Variants in ZNF284 observed in about 807,000 individuals in gnomAD.
ZNF284 encodes the protein zinc finger protein 284.
In ZNF284, 12 loss-of-function variants were observed where a neutral mutation model predicts 12.9. The ratio of observed to expected loss-of-function variants is 0.93; its 90% confidence interval spans 0.60 to 1.51. The LOEUF (loss-of-function observed/expected upper bound fraction) is 1.51. Among genes scored for constraint, ZNF284 ranks in the 40% most tolerant of loss-of-function variants. The pLI is 0.00. For missense variants in ZNF284, 667 were observed against 707.3 expected (o/e 0.94, Z 0.65); for synonymous variants, 225 against 236.5 (o/e 0.95, Z 0.45).
At position 44,081,044 on chromosome 19, in the gene ZNF284, G is replaced by A. The variant is rs781349052; in HGVS notation, c.45G>A (p.Val15=). The change falls in exon 3 of 5, where the codon GTG becomes GTA. Residue 15 remains valine (V), a synonymous_variant. Transcript: ENST00000421176. ...CAGTGACCTTCAAGGATGTGGCTGT[G>A]GTCTTCACCGAGGAGGAGCTGGGGC... ...KEAVTFKDVA[V]VFTEEELGLL... 1.9e-6 allele frequency: 3 copies of A among 1,612,756 alleles called. No homozygotes were observed. Among genetic ancestry groups the A allele is most frequent in the Admixed American group, 1.7e-5 (1 of 59,974 alleles).
At chr19:44,079,502 G>A (rs1042693434) in intron 2 of ZNF284, among the ~76,000 whole-genome samples, 4 of 152,146 alleles carry the variant, frequency 2.6e-5, no homozygotes, top group African/African-American at 9.7e-5. Context: ...GAGGTGAGGA[G>A]ATCGAGACCA....
rs1481014363 is a variant in ZNF284 at position 44,086,286 on chromosome 19, C to T, written c.808C>T (p.His270Tyr). ...TGAGGAATGTGGGAAGGCCTTCATT[C>T]ACAATTCCCAGCTTCGGGAACATCA... ...ICEECGKAFIHNSQLREHQRI... is the reference protein window; with the variant it reads ...ICEECGKAFIYNSQLREHQRI... The change falls in exon 5 of 5, where the codon CAC (histidine) becomes TAC (tyrosine). Residue 270 changes from histidine to tyrosine, a missense_variant. By Grantham distance (83) the His-to-Tyr change is moderately conservative. Transcript: ENST00000421176. The T allele has an allele frequency of 3.1e-6, 5 of 1,614,132 alleles. No individual in the cohort carries two copies. In the East Asian group the frequency reaches 1.1e-4, roughly 36 times the overall value.
rs752006089 is a variant in ZNF284 at position 44,086,934 on chromosome 19, GAA to G, written c.1457_1458del (p.Glu486GlyfsTer8). The G allele has an allele frequency of 6.2e-7, 1 of 1,614,222 alleles. No homozygotes were observed. The highest frequency in any genetic ancestry group is 1.6e-4 in the Middle Eastern group (1 of 6,062). On this transcript the variant is annotated frameshift_variant, in exon 5 of 5. Coordinates refer to ENST00000421176, the MANE Select transcript of ZNF284 (RefSeq NM_001037813.4). LOFTEE classifies it low-confidence loss of function (END_TRUNC). ...TACTGGAGAAAAACCATTCAAATGT[GAA>G]GAGTGTGGGAAGAGGTTTACTGAGA... The part of the protein sequence containing the change: ...LHTGEKPFKC[E>X]ECGKRFTENS...
chr19:44,084,959 G>A (rs903244934), intron 4 of ZNF284, among the ~76,000 whole-genome samples: 5 of 152,224 alleles, frequency 3.3e-5, no homozygotes, highest in South Asian at 2.1e-4. Flanking sequence ...CACAGGGGTC[G>A]AGGGCCTCTC....
chr19:44,081,871 A>C, intron 3 of ZNF284, 142 bp from the exon 4 acceptor site: 1 of 599,576 alleles, frequency 1.7e-6, no homozygotes. Flanking sequence ...TGTGGGGATT[A>C]TGGGAACTAC....
chr19:44,073,626 C>T (rs372178721), intron 1 of ZNF284, among the ~76,000 whole-genome samples: 6 of 151,032 alleles, frequency 4.0e-5, no homozygotes, highest in Non-Finnish European at 8.8e-5. Context: ...TCACTGCTAA[C>T]TCCGCCTCCC....
At chr19:44,081,294 C>T (rs549127934) in intron 3 of ZNF284, among the ~76,000 whole-genome samples, 153 bp downstream of exon 3, 12 of 152,234 alleles carry the variant, frequency 7.9e-5, no homozygotes, top group African/African-American at 2.9e-4. Context: ...ACTCACAGTT[C>T]TGCATGGCTG....
intron 2 of ZNF284, among the ~76,000 whole-genome samples, chr19:44,080,672 A>G (rs1967107202): frequency 6.6e-6 from 1 of 152,240 alleles, no homozygotes. Flanking sequence ...GTTAAGACTG[A>G]ATTGCTAAAT....
At chr19:44,081,592 G>T (rs1024909246) in intron 3 of ZNF284, among the ~76,000 whole-genome samples, 1 of 151,964 alleles carries the variant, frequency 6.6e-6, no homozygotes. Context: ...GGCGTCTGTA[G>T]TCCCAGCTAC....
At chr19:44,082,406 C>A (rs938372935) in intron 4 of ZNF284, among the ~76,000 whole-genome samples, 1 of 152,138 alleles carries the variant, frequency 6.6e-6, no homozygotes, top group Non-Finnish European at 1.5e-5. Context: ...TTTAGAGACC[C>A]TTGATCTGCT....
Position 44,084,435 on chromosome 19 carries a change from G to A in ZNF284, c.236-1279G>A, listed in dbSNP as rs139098004. The stretch of plus-strand genomic sequence containing the variant: ...CCCCATGCCTTTAGGAGGTGTGCTT[G>A]GGTGGCAGTGGCAGAGTGTGCAGAG... On this transcript the variant is annotated intron_variant, in intron 4 of 4. Transcript: ENST00000421176. Among the ~76,000 whole-genome samples, 54 of 152,318 alleles carry A rather than the reference G, an allele frequency of 3.5e-4. 1 individual carries two copies. Among genetic ancestry groups the A allele is most frequent in the African/African-American group, 1.3e-3 (53 of 41,576 alleles).
chr19:44,088,877 G>A lies in ZNF284; in HGVS notation c.*1617G>A, dbSNP rs1967303966. ...GCTCTGTCACCCAGACTGGCATGCAGTGGAATGATCACGGCTCCCTGCAGC... is the reference window on the plus strand; with the variant it reads ...GCTCTGTCACCCAGACTGGCATGCAATGGAATGATCACGGCTCCCTGCAGC... On this transcript the variant is annotated 3_prime_UTR_variant, in exon 5 of 5. Coordinates refer to ENST00000421176, the MANE Select transcript of ZNF284 (RefSeq NM_001037813.4). 4.0e-5 allele frequency: 6 copies of A among 148,686 alleles called. No individual in the cohort carries two copies. 9.2% of individuals were successfully genotyped at this position (148,686 alleles called of 1,614,324 possible). A position where few individuals can be genotyped will look rare whatever the true frequency, so the allele number is the denominator to read the frequency against.
chr19:44,077,445 C>T (rs576218992), intron 2 of ZNF284, among the ~76,000 whole-genome samples: 4 of 151,564 alleles, frequency 2.6e-5, no homozygotes, highest in Non-Finnish European at 5.9e-5. Context: ...TTGCCAGTTG[C>T]TCCAGCAACA....
At chr19:44,077,535 C>CTTTTTTTTTTTTT (rs763788955) in intron 2 of ZNF284, among the ~76,000 whole-genome samples, 28 of 76,182 alleles carry the variant, frequency 3.7e-4, no homozygotes, top group Non-Finnish European at 5.3e-4. Flanking sequence ...ATTTTTCTGT[C>CTTTTTTTTTTTTT]TTTTTTTTTT....
chr19:44,081,678 C>T (rs1482941901), intron 3 of ZNF284, among the ~76,000 whole-genome samples: 2 of 152,060 alleles, frequency 1.3e-5, no homozygotes, highest in Admixed American at 1.3e-4. Flanking sequence ...CATCACTGCA[C>T]TCCAGCCTGG....
intron 4 of ZNF284, among the ~76,000 whole-genome samples, chr19:44,082,915 A>G (rs1434686996): frequency 1.3e-5 from 2 of 152,096 alleles, no homozygotes; most frequent in African/African-American, 2.4e-5. Context: ...TGCAGCCTTA[A>G]TATCTCTTGC....
At chr19:44,080,363 G>A (rs1426571527) in intron 2 of ZNF284, among the ~76,000 whole-genome samples, 6 of 152,190 alleles carry the variant, frequency 3.9e-5, no homozygotes, top group Non-Finnish European at 2.9e-5. Flanking sequence ...TTGGGAGGCC[G>A]AGGCCGGCAA....
intron 1 of ZNF284, among the ~76,000 whole-genome samples, 166 bp from the exon 2 acceptor site, chr19:44,076,156 C>T (rs909192651): frequency 1.3e-5 from 2 of 152,088 alleles, no homozygotes; most frequent in African/African-American, 4.8e-5. Context: ...TGTCCATTTA[C>T]CCATAGGAAG....
At position 44,087,206 on chromosome 19, in the gene ZNF284, C is replaced by T. The variant is rs1967274801; in HGVS notation, c.1728C>T (p.Tyr576=). 3.1e-6 allele frequency: 5 copies of T among 1,603,660 alleles called. No homozygotes were observed. The South Asian group carries it at 5.6e-5, about 18-fold the overall frequency. Reference sequence around the variant, plus strand: ...AATGTGAGGACTGTGGGAAGCGCTACGAGAGGCGCTTGAATCTAGATATGA... The same window carrying T: ...AATGTGAGGACTGTGGGAAGCGCTATGAGAGGCGCTTGAATCTAGATATGA... ...TSKCEDCGKR[Y]ERRLNLDMIL... The change falls in exon 5 of 5, where the codon TAC becomes TAT. Residue 576 remains tyrosine (Y), a synonymous_variant. Coordinates refer to ENST00000421176, the MANE Select transcript of ZNF284 (RefSeq NM_001037813.4).
Sources: allele counts gnomAD v4.1 joint callset (sites outside exome capture counted in the v4.1 genomes callset), GRCh38; gene constraint gnomAD v4.1.1; transcripts MANE v1.5; gene names NCBI Gene and HGNC (gene_info 2026-07-23, HGNC 2026-07-21).